Variants in DPYSL3 observed in about 807,000 individuals in gnomAD.
DPYSL3 encodes dihydropyrimidinase-related protein 3.
Under a neutral mutation model 66.1 loss-of-function variants are expected in DPYSL3, and 16 were observed. The ratio of observed to expected loss-of-function variants is 0.24; its 90% CI spans 0.16 to 0.37. The LOEUF (loss-of-function observed/expected upper bound fraction) is 0.37, where lower values mean the gene tolerates loss of function less well. Ranked by LOEUF, DPYSL3 falls within the 10% of genes least tolerant of loss-of-function variation. The pLI is 1.00. For synonymous variants in DPYSL3, 338 were observed against 345.1 expected (o/e 0.98, Z 0.23); for missense variants, 738 against 916.2 (o/e 0.81, Z 2.51).
Position 147,392,893 on chromosome 5 carries a change from C to CATTATATGACT in DPYSL3, c.*1141_*1142insAGTCATATAAT, listed in dbSNP as rs1757854810. 1.3e-5 allele frequency: 2 copies of CATTATATGACT among 152,206 alleles called. No individual in the cohort carries two copies. The highest frequency in any genetic ancestry group is 6.5e-5 in the Admixed American group (1 of 15,284). The allele number at this position is 152,206 out of a possible 1,614,324, so 9.4% of individuals were successfully genotyped here. A position where few individuals can be genotyped will look rare whatever the true frequency, so the allele number is the denominator to read the frequency against. On this transcript the variant is annotated 3_prime_UTR_variant, in exon 14 of 14. Transcript: ENST00000343218. Reference sequence around the variant, plus strand: ...TGACTTTGGCTTTCCCAGTTCCCCACTTGACTTTCATATAAGCTGAGATGA... The same window carrying CATTATATGACT: ...TGACTTTGGCTTTCCCAGTTCCCCACATTATATGACTTTGACTTTCATATAAGCTGAGATGA...
intron 6 of DPYSL3, 68 bp downstream of exon 6, chr5:147,412,540 A>T: frequency 6.8e-7 from 1 of 1,468,318 alleles, no homozygotes; most frequent in Non-Finnish European, 9.4e-7. Context: ...CTCAAGCAGC[A>T]CTGAAGAAAT....
chr5:147,497,314 T>C lies in DPYSL3; in HGVS notation c.381+12164A>G, dbSNP rs148501891. On this transcript the variant is annotated intron_variant, in intron 1 of 13. Transcript: ENST00000343218. ...TACCTAATGCTAAATGACGAGTTAA[T>C]GGGTGCAGCATACCAGCATGGCACA... Among the ~76,000 whole-genome samples, 1,169 of 151,940 alleles carry C rather than the reference T, an allele frequency of 7.7e-3. 12 individuals carry two copies. Among genetic ancestry groups the C allele is most frequent in the African/African-American group, 0.027 (1,136 of 41,422 alleles).
intron 6 of DPYSL3, 22 bp from the exon 7 acceptor site, chr5:147,408,818 G>A: frequency 6.2e-7 from 1 of 1,613,698 alleles, no homozygotes; most frequent in Non-Finnish European, 8.5e-7. Context: ...AAAGAAAATA[G>A]TTCTTCAATA....
intron 7 of DPYSL3, among the ~76,000 whole-genome samples, chr5:147,407,039 C>CTA (rs1321561549): frequency 6.6e-6 from 1 of 152,164 alleles, no homozygotes; most frequent in Non-Finnish European, 1.5e-5. Flanking sequence ...GCGGCTGTCT[C>CTA]TATGCCTGGG....
At chr5:147,421,720 T>C (rs896168212) in intron 2 of DPYSL3, among the ~76,000 whole-genome samples, 6 of 152,178 alleles carry the variant, frequency 3.9e-5, no homozygotes, top group Non-Finnish European at 8.8e-5. Context: ...TCTACAACTA[T>C]TTGATCCTTG....
chr5:147,472,920 A>G (rs1377799154), intron 1 of DPYSL3: 1 of 152,144 alleles, frequency 6.6e-6, no homozygotes, highest in Non-Finnish European at 1.5e-5. Context: ...TCTGAAGCTC[A>G]TCTCTGCAAC....
intron 1 of DPYSL3, among the ~76,000 whole-genome samples, chr5:147,452,912 CACACACACACACACAT>C (rs1441294778): frequency 3.3e-5 from 5 of 150,846 alleles, no homozygotes; most frequent in African/African-American, 7.3e-5. Flanking sequence ...CACACACACA[CACACACACACACACAT>C]AAAGTTGATC....
chr5:147,494,854 G>C (rs1268513485), intron 1 of DPYSL3, among the ~76,000 whole-genome samples: 1 of 149,124 alleles, frequency 6.7e-6, no homozygotes, highest in African/African-American at 2.5e-5. Context: ...ACTCCAGCCT[G>C]GGTGACAGAG....
chr5:147,467,764 T>C (rs754214627), intron 1 of DPYSL3, among the ~76,000 whole-genome samples: 3 of 152,326 alleles, frequency 2.0e-5, no homozygotes, highest in Non-Finnish European at 4.4e-5. Flanking sequence ...CCTGCTGCTA[T>C]AACAAAATAT....
chr5:147,404,645 T>A (rs1471358799), intron 8 of DPYSL3, among the ~76,000 whole-genome samples: 2 of 152,190 alleles, frequency 1.3e-5, no homozygotes, highest in Admixed American at 6.5e-5. Flanking sequence ...CCCACGAGTC[T>A]GACACTGAGG....
intron 1 of DPYSL3, among the ~76,000 whole-genome samples, chr5:147,499,251 G>T (rs1753566859): frequency 2.6e-5 from 4 of 152,088 alleles, no homozygotes; most frequent in Admixed American, 2.6e-4. Context: ...AAATACAAAA[G>T]AATTGAGCAA....
At chr5:147,413,574 CA>C in intron 5 of DPYSL3, 21 bp downstream of exon 5, 1 of 1,601,364 alleles carries the variant, frequency 6.2e-7, no homozygotes, top group African/African-American at 1.3e-5. Context: ...TACCCCAAAC[CA>C]CATAGCAAAT....
chr5:147,465,114 A>T (rs576413789), intron 1 of DPYSL3, among the ~76,000 whole-genome samples: 88 of 152,232 alleles, frequency 5.8e-4, no homozygotes, highest in Non-Finnish European at 7.1e-4. Flanking sequence ...GGATTAGTTG[A>T]GCCCAGGAGG....
In DPYSL3 at chr5:147,394,014, C is replaced by T. The variant is rs1174962601; in HGVS notation, c.*21G>A. The T allele has an allele frequency of 2.7e-5, 43 of 1,612,890 alleles. No homozygotes were observed. The highest frequency in any genetic ancestry group is 3.6e-5 in the Non-Finnish European group (42 of 1,179,212). ...AAACAATCTCTTCTTGCTTCTGCCC[C>T]TCTCTTTGAGGAAGGCTTGCTTAAC... On this transcript the variant is annotated 3_prime_UTR_variant, in exon 14 of 14. Coordinates refer to ENST00000343218, the MANE Select transcript of DPYSL3 (RefSeq NM_001197294.2).
intron 1 of DPYSL3, among the ~76,000 whole-genome samples, chr5:147,426,882 A>G (rs1262234212): frequency 1.3e-5 from 2 of 152,220 alleles, no homozygotes; most frequent in Non-Finnish European, 1.5e-5. Context: ...AAAGATACAG[A>G]TCAATGAAGT....
intron 1 of DPYSL3, among the ~76,000 whole-genome samples, chr5:147,425,792 G>T (rs1407903357): frequency 6.6e-6 from 1 of 152,060 alleles, no homozygotes; most frequent in Non-Finnish European, 1.5e-5. Context: ...GTCAGGAGAG[G>T]GACAAATCAG....
Position 147,478,655 on chromosome 5 carries a change from T to C in DPYSL3, c.381+30823A>G, listed in dbSNP as rs150544636. 1.1e-4 allele frequency among the ~76,000 whole-genome samples: 17 copies of C among 152,316 alleles called. No individual in the cohort carries two copies. The East Asian group carries it at 2.9e-3, about 26-fold the overall frequency. On this transcript the variant is annotated intron_variant, in intron 1 of 13. Coordinates refer to ENST00000343218, the MANE Select transcript of DPYSL3 (RefSeq NM_001197294.2). ...ATTGATCCTCTGTGTGGAAATCCTC[T>C]GCCCCCCACACACACCAGCATGCAT...
At chr5:147,435,572 T>C (rs889715845) in intron 1 of DPYSL3, among the ~76,000 whole-genome samples, 1 of 152,190 alleles carries the variant, frequency 6.6e-6, no homozygotes, top group Admixed American at 6.5e-5. Flanking sequence ...GGCTGCCAAC[T>C]AGGAAGTTTG....
intron 1 of DPYSL3, among the ~76,000 whole-genome samples, chr5:147,444,498 T>C (rs543527001): frequency 6.6e-6 from 1 of 152,350 alleles, no homozygotes; most frequent in Non-Finnish European, 1.5e-5. Context: ...TACCTGATTA[T>C]ATTATATATG....
Sources: allele counts gnomAD v4.1 joint callset (sites outside exome capture counted in the v4.1 genomes callset), GRCh38; gene constraint gnomAD v4.1.1; transcripts MANE v1.5; gene names NCBI Gene and HGNC (gene_info 2026-07-23, HGNC 2026-07-21).